Variants in ZFHX4 observed in about 807,000 individuals in gnomAD.
ZFHX4 encodes the protein zinc finger homeobox protein 4.
Under a neutral mutation model 267.6 loss-of-function variants are expected in ZFHX4, and 56 were observed. The ratio of observed to expected loss-of-function variants is 0.21; its 90% CI spans 0.17 to 0.26. The LOEUF (loss-of-function observed/expected upper bound fraction) is 0.26, where lower values mean the gene tolerates loss of function less well. Ranked by LOEUF, ZFHX4 falls within the 10% of genes least tolerant of loss-of-function variation. The probability of loss-of-function intolerance (pLI) is 1.00; values close to 1 mark genes in which losing one functional copy is unlikely to be tolerated. For synonymous variants in ZFHX4, 1,778 were observed against 1,665.6 expected (o/e 1.07, Z -1.64); for missense variants, 4,332 against 4,420.0 (o/e 0.98, Z 0.56).
chr8:76,860,182 G>C (rs1206731145), intron 10 of ZFHX4, among the ~76,000 whole-genome samples: 2 of 151,886 alleles, frequency 1.3e-5, no homozygotes, highest in South Asian at 2.1e-4. Flanking sequence ...ATTTTTATAG[G>C]CTTATTTATC....
chr8:76,866,508 CTT>C lies in ZFHX4; in HGVS notation c.*1948_*1949del, dbSNP rs991550298. 1 of 150,638 alleles carries C rather than the reference CTT, an allele frequency of 6.6e-6. No individual in the cohort carries two copies. Among genetic ancestry groups the C allele is most frequent in the African/African-American group, 2.5e-5 (1 of 40,802 alleles). 9.3% of individuals were successfully genotyped at this position (150,638 alleles called of 1,614,324 possible). Reference sequence around the variant, plus strand: ...AACATTTATTTTAATCCTGAAGACACTTTTTTGATTGTGTTTCGTAAGAGACA... The same window carrying C: ...AACATTTATTTTAATCCTGAAGACACTTTTGATTGTGTTTCGTAAGAGACA... On this transcript the variant is annotated 3_prime_UTR_variant, in exon 11 of 11. Transcript: ENST00000651372.
In ZFHX4 at chr8:76,704,054, G is replaced by A. The variant is rs760317059; in HGVS notation, c.-35G>A. ...TATTTTTTATCCAGGTCCCTGACAG[G>A]CTGGATGAAATGAGATCCCCATGTA... On this transcript the variant is annotated 5_prime_UTR_variant, in exon 2 of 11. Coordinates refer to ENST00000651372, the MANE Select transcript of ZFHX4 (RefSeq NM_024721.5). The A allele has an allele frequency of 9.0e-6, 14 of 1,554,656 alleles. No homozygotes were observed. The East Asian group carries it at 2.9e-4, about 32-fold the overall frequency.
chr8:76,684,364 G>A (rs1008284333), intron 1 of ZFHX4, among the ~76,000 whole-genome samples: 2 of 152,136 alleles, frequency 1.3e-5, no homozygotes, highest in African/African-American at 2.4e-5. Context: ...TTAACCTCTT[G>A]CACCTGGCTT....
At chr8:76,822,005 C>T (rs1811661478) in intron 4 of ZFHX4, among the ~76,000 whole-genome samples, 1 of 152,004 alleles carries the variant, frequency 6.6e-6, no homozygotes, top group South Asian at 2.1e-4. Context: ...GTTTCTGCCC[C>T]TGTCTCTCCA....
chr8:76,791,504 A>C lies in ZFHX4; in HGVS notation c.3325+13065A>C, dbSNP rs576917850. Among the ~76,000 whole-genome samples, 14 of 152,308 alleles carry C rather than the reference A, an allele frequency of 9.2e-5. No individual in the cohort carries two copies. The East Asian group carries it at 2.7e-3, about 29-fold the overall frequency. ...TAAATGATATTAATATCATATTGGC[A>C]TACCAAATTTGAGAACATATTTTTA... is the stretch of plus-strand genomic sequence containing the variant. On this transcript the variant is annotated intron_variant, in intron 4 of 10. Transcript: ENST00000651372.
At chr8:76,836,558 G>T (rs1232690495) in intron 5 of ZFHX4, among the ~76,000 whole-genome samples, 1 of 152,046 alleles carries the variant, frequency 6.6e-6, no homozygotes, top group Non-Finnish European at 1.5e-5. Context: ...GGAAAAAATT[G>T]GTCCCATTCC....
chr8:76,772,836 A>G (rs1810298902), intron 3 of ZFHX4, among the ~76,000 whole-genome samples: 3 of 152,046 alleles, frequency 2.0e-5, no homozygotes. Flanking sequence ...TAGATGATAT[A>G]CTTGCTATTC....
intron 4 of ZFHX4, among the ~76,000 whole-genome samples, chr8:76,794,897 G>GTGTA (rs962499415): frequency 1.3e-5 from 2 of 151,974 alleles, no homozygotes; most frequent in African/African-American, 4.8e-5. Flanking sequence ...GTGTGTGTGT[G>GTGTA]TGTGTGTGTG....
intron 3 of ZFHX4, among the ~76,000 whole-genome samples, chr8:76,714,699 A>G (rs578137691): frequency 7.9e-5 from 12 of 152,312 alleles, no homozygotes; most frequent in African/African-American, 2.9e-4. Flanking sequence ...TTGAACACTT[A>G]CTATGTGAAA....
chr8:76,780,653 G>C (rs1374645595), intron 4 of ZFHX4, among the ~76,000 whole-genome samples: 1 of 152,148 alleles, frequency 6.6e-6, no homozygotes, highest in Non-Finnish European at 1.5e-5. Flanking sequence ...ACTAAACATT[G>C]TAAAGGCACT....
In ZFHX4 at chr8:76,829,442, G is replaced by T. The variant is rs368885507; in HGVS notation, c.3326-3896G>T. Among the ~76,000 whole-genome samples the T allele has an allele frequency of 1.1e-4, 16 of 152,206 alleles. 1 individual carries two copies. Among genetic ancestry groups the T allele is most frequent in the African/African-American group, 3.9e-4 (16 of 41,534 alleles). ...TAATGAGTTGGAGACTCATTATGGA[G>T]AGGCTTAGGGGTAGGTGTGGCAATA... On this transcript the variant is annotated intron_variant, in intron 4 of 10. Transcript: ENST00000651372.
intron 4 of ZFHX4, among the ~76,000 whole-genome samples, chr8:76,786,267 T>C (rs900221193): frequency 6.6e-6 from 1 of 151,806 alleles, no homozygotes; most frequent in Non-Finnish European, 1.5e-5. Context: ...CTATTCAAAA[T>C]CAATGACAAA....
Position 76,852,253 on chromosome 8 carries a change from C to G in ZFHX4, c.5332C>G (p.Leu1778Val). The change falls in exon 10 of 11, where the codon CTA (leucine) becomes GTA (valine). Residue 1778 changes from leucine (L) to valine (V), a missense_variant. Transcript: ENST00000651372. ...TGMAGSLLED[L>V]KQQIQTQHHV... ...AATGGCTGGCTCCTTGCTTGAAGAC[C>G]TAAAGCAGCAGATTCAAACCCAACA... is the stretch of plus-strand genomic sequence containing the variant. 6.2e-7 allele frequency: 1 copy of G among 1,601,946 alleles called. No individual in the cohort carries two copies. The highest frequency in any genetic ancestry group is 8.5e-7 in the Non-Finnish European group (1 of 1,173,332).
rs994791507 is a variant in ZFHX4 at position 76,846,727 on chromosome 8, C to T, written c.3512-2268C>T. ...TCTTGAAATCAATACATTTTTTGAT[C>T]CCTGACAGTCTCAATATAAGAATAA... On this transcript the variant is annotated intron_variant, in intron 6 of 10. Coordinates refer to ENST00000651372, the MANE Select transcript of ZFHX4 (RefSeq NM_024721.5). Among the ~76,000 whole-genome samples, 6 of 151,970 alleles carry T rather than the reference C, an allele frequency of 3.9e-5. No homozygotes were observed. In the South Asian group the frequency reaches 1.2e-3, roughly 32 times the overall value.
chr8:76,778,504 C>A, intron 4 of ZFHX4, 65 bp downstream of exon 4: 1 of 1,227,352 alleles, frequency 8.1e-7, no homozygotes, highest in Non-Finnish European at 1.2e-6. Context: ...CACACACACA[C>A]ACACAAACAC....
At chr8:76,774,583 A>G (rs946139387) in intron 3 of ZFHX4, among the ~76,000 whole-genome samples, 5 of 152,138 alleles carry the variant, frequency 3.3e-5, no homozygotes, top group Non-Finnish European at 7.4e-5. Context: ...CCTAAAGGAG[A>G]TATACAAAAT....
chr8:76,704,335 A>C lies in ZFHX4; in HGVS notation c.247A>C (p.Asn83His). The C allele has an allele frequency of 6.2e-7, 1 of 1,614,044 alleles. No individual in the cohort carries two copies. The highest frequency in any genetic ancestry group is 1.1e-5 in the South Asian group (1 of 91,078). ...TACCTCAGCAAAGGAGATACCCTGC[A>C]ACGAATGTGCCACTTCTTTTCCCAG... Reference protein sequence around the residue: ...QVTSAKEIPCNECATSFPSLQ... With the variant: ...QVTSAKEIPCHECATSFPSLQ... The change falls in exon 2 of 11, where the codon AAC becomes CAC. Residue 83 changes from asparagine to histidine, a missense_variant. By Grantham distance (68) the Asn-to-His change is moderately conservative. Coordinates refer to ENST00000651372, the MANE Select transcript of ZFHX4 (RefSeq NM_024721.5).
chr8:76,858,550 A>G (rs1447802955), intron 10 of ZFHX4, among the ~76,000 whole-genome samples: 2 of 152,188 alleles, frequency 1.3e-5, no homozygotes, highest in African/African-American at 2.4e-5. Context: ...CAGCAGAATT[A>G]CCAGTGGGGC....
intron 3 of ZFHX4, among the ~76,000 whole-genome samples, chr8:76,738,095 C>T (rs1033653132): frequency 3.9e-5 from 6 of 152,138 alleles, no homozygotes; most frequent in African/African-American, 1.2e-4. Context: ...TAAGGCATCA[C>T]ATGTAGGAGG....
Sources: gnomAD v4.1 joint callset for allele counts (sites outside exome capture counted in the v4.1 genomes callset) on GRCh38, gnomAD v4.1.1 for gene constraint, MANE v1.5 for transcripts, NCBI Gene and HGNC (gene_info 2026-07-23, HGNC 2026-07-21) for gene names.